Variants in CDC16 observed in about 807,000 individuals in gnomAD.
CDC16 encodes cell division cycle 16.
Under a neutral mutation model 87.0 loss-of-function variants are expected in CDC16, and 34 were observed. The ratio of observed to expected loss-of-function variants is 0.39; its 90% CI spans 0.30 to 0.52. The LOEUF is 0.52. Among genes scored for constraint, CDC16 ranks in the 20% least tolerant of loss-of-function variants. The pLI, the probability that CDC16 is intolerant of heterozygous loss-of-function variation, is 0.74. For synonymous variants in CDC16, 263 were observed against 260.6 expected (o/e 1.01, Z -0.09); for missense variants, 653 against 751.9 (o/e 0.87, Z 1.54).
chr13:114,243,666 T>C (rs2081681342), intron 7 of CDC16, among the ~76,000 whole-genome samples, 190 bp from the exon 8 acceptor site: 1 of 152,246 alleles, frequency 6.6e-6, no homozygotes, highest in South Asian at 2.1e-4. Context: ...TGTGGAATTC[T>C]GTTCTAAAAT....
At chr13:114,251,341 G>A (rs2082165094) in intron 12 of CDC16, among the ~76,000 whole-genome samples, 1 of 152,146 alleles carries the variant, frequency 6.6e-6, no homozygotes, top group Admixed American at 6.5e-5. Flanking sequence ...AGCCTCCTGA[G>A]AAATAGGAAT....
chr13:114,260,989 C>T (rs1055749219), intron 14 of CDC16, among the ~76,000 whole-genome samples: 20 of 152,040 alleles, frequency 1.3e-4, no homozygotes, highest in African/African-American at 4.6e-4. Context: ...AATGTAAGTA[C>T]GTAAATTGAC....
intron 11 of CDC16, among the ~76,000 whole-genome samples, chr13:114,250,266 G>T (rs1259599083): frequency 6.6e-6 from 1 of 152,190 alleles, no homozygotes; most frequent in Non-Finnish European, 1.5e-5. Flanking sequence ...GCCAAGGTGG[G>T]TGGAGCACCT....
intron 17 of CDC16, among the ~76,000 whole-genome samples, chr13:114,271,465 A>C (rs1168493416): frequency 6.6e-6 from 1 of 151,838 alleles, no homozygotes; most frequent in African/African-American, 2.4e-5. Context: ...GACTATACCC[A>C]ATGGGCACAG....
chr13:114,237,652 T>A (rs1255253878), intron 3 of CDC16, among the ~76,000 whole-genome samples: 15 of 152,178 alleles, frequency 9.9e-5, no homozygotes, highest in Non-Finnish European at 2.9e-5. Context: ...CACCTTCTTT[T>A]TCCCCCATCT....
chr13:114,256,748 A>C (rs1430044520), intron 12 of CDC16, among the ~76,000 whole-genome samples: 1 of 152,246 alleles, frequency 6.6e-6, no homozygotes, highest in Non-Finnish European at 1.5e-5. Context: ...GAGGAAGACC[A>C]GTGTCGGCTG....
chr13:114,272,476 G>T lies in CDC16; in HGVS notation c.*33G>T, dbSNP rs1450345865. 1.3e-6 allele frequency: 2 copies of T among 1,593,632 alleles called. No homozygotes were observed. Among genetic ancestry groups the T allele is most frequent in the Non-Finnish European group, 1.7e-6 (2 of 1,166,792 alleles). On this transcript the variant is annotated 3_prime_UTR_variant, in exon 18 of 18. Coordinates refer to ENST00000356221, the MANE Select transcript of CDC16 (RefSeq NM_001078645.3). Reference sequence around the variant, plus strand: ...CAGTGGTCCTGGTCCCACTGTCCCAGTGTAGGTTAGTATTCCTTCACATCC... The same window carrying T: ...CAGTGGTCCTGGTCCCACTGTCCCATTGTAGGTTAGTATTCCTTCACATCC...
At chr13:114,239,209 T>A in intron 4 of CDC16, 141 bp from the exon 5 acceptor site, 1 of 1,402,856 alleles carries the variant, frequency 7.1e-7, no homozygotes, top group Non-Finnish European at 9.7e-7. Context: ...TACCACATGC[T>A]GACATGCATG....
At position 114,262,925 on chromosome 13, in the gene CDC16, A is replaced by T. The variant is rs202210151; in HGVS notation, c.1423A>T (p.Ile475Phe). 1.2e-6 allele frequency: 2 copies of T among 1,614,122 alleles called. No individual in the cohort carries two copies. The highest frequency in any genetic ancestry group is 4.5e-5 in the East Asian group (2 of 44,880). The change falls in exon 16 of 18, where the codon ATT (isoleucine) becomes TTT (phenylalanine). Residue 475 changes from isoleucine (I) to phenylalanine (F), a missense_variant. Coordinates refer to ENST00000356221, the MANE Select transcript of CDC16 (RefSeq NM_001078645.3). ...TTACCACCGTCAGGCACTGGTGTTGATTCCTCAGAACGCATCCACCTACTC... is the reference window on the plus strand; with the variant it reads ...TTACCACCGTCAGGCACTGGTGTTGTTTCCTCAGAACGCATCCACCTACTC... ...LDYHRQALVLIPQNASTYSAI... is the reference protein window; with the variant it reads ...LDYHRQALVLFPQNASTYSAI...
chr13:114,235,383 G>C (rs1023745135), intron 1 of CDC16, among the ~76,000 whole-genome samples: 6 of 152,224 alleles, frequency 3.9e-5, no homozygotes, highest in African/African-American at 1.2e-4. Flanking sequence ...TCTGAGCCTC[G>C]TTCTGCACCT....
At chr13:114,264,680 C>T (rs1198806093) in intron 16 of CDC16, among the ~76,000 whole-genome samples, 3 of 152,006 alleles carry the variant, frequency 2.0e-5, no homozygotes, top group Non-Finnish European at 4.4e-5. Flanking sequence ...GGTACGATCT[C>T]GGCTCACTGC....
Position 114,269,453 on chromosome 13 carries a change from C to T in CDC16, c.1604-2731C>T, listed in dbSNP as rs895937894. Among the ~76,000 whole-genome samples, 8 of 152,184 alleles carry T rather than the reference C, an allele frequency of 5.3e-5. No individual in the cohort carries two copies. In the East Asian group the frequency reaches 7.7e-4, roughly 15 times the overall value. ...GGTATTAGGGTGATGATTGACCATA[C>T]TGATTTTGTGATGTAGCAGTTCTAC... is the stretch of plus-strand genomic sequence containing the variant. On this transcript the variant is annotated intron_variant, in intron 17 of 17. Transcript: ENST00000356221.
Position 114,261,944 on chromosome 13 carries a change from C to T in CDC16, c.1372C>T (p.Leu458Phe). Residue 458 changes from leucine to phenylalanine, a missense_variant, in exon 15 of 18, where the codon CTT becomes TTT. By Grantham distance (22) the Leu-to-Phe change is conservative. Coordinates refer to ENST00000356221, the MANE Select transcript of CDC16 (RefSeq NM_001078645.3). ...CAACTTGGGGCATGTCTGCAGAAAACTTAAGTAAGTGAAGTAGAGCATTTT... is the reference window on the plus strand; with the variant it reads ...CAACTTGGGGCATGTCTGCAGAAAATTTAAGTAAGTGAAGTAGAGCATTTT... The part of the protein sequence containing the change: ...LNNLGHVCRK[L>F]KKYAEALDYH... 1 of 1,593,264 alleles carries T rather than the reference C, an allele frequency of 6.3e-7. No homozygotes were observed. Among genetic ancestry groups the T allele is most frequent in the Non-Finnish European group, 8.6e-7 (1 of 1,167,678 alleles).
chr13:114,243,392 T>C (rs2081660535), intron 7 of CDC16, 44 bp downstream of exon 7: 2 of 926,320 alleles, frequency 2.2e-6, no homozygotes, highest in Middle Eastern at 2.2e-4. Flanking sequence ...TGTAAATATC[T>C]TATTCCATAA....
chr13:114,267,692 G>C (rs991849413), intron 17 of CDC16, among the ~76,000 whole-genome samples: 1 of 151,384 alleles, frequency 6.6e-6, no homozygotes, highest in Admixed American at 6.6e-5. Context: ...TCTAGATAGA[G>C]TAATCACTAA....
At chr13:114,252,294 C>T (rs2082240024) in intron 12 of CDC16, among the ~76,000 whole-genome samples, 1 of 152,202 alleles carries the variant, frequency 6.6e-6, no homozygotes, top group Non-Finnish European at 1.5e-5. Context: ...AAGAGCTTTA[C>T]ACTAGCCCTG....
chr13:114,250,505 A>G (rs1206622650), intron 11 of CDC16, 44 bp from the exon 12 acceptor site: 2 of 1,545,618 alleles, frequency 1.3e-6, no homozygotes, highest in Admixed American at 2.0e-5. Context: ...AAAAAAAAAA[A>G]AAGAATAAAT....
At chr13:114,250,505 AAAG>A (rs2082113833) in intron 11 of CDC16, 41 bp from the exon 12 acceptor site, 2 of 1,545,614 alleles carry the variant, frequency 1.3e-6, no homozygotes, top group Non-Finnish European at 8.7e-7. Flanking sequence ...AAAAAAAAAA[AAAG>A]AATAAATACT....
intron 5 of CDC16, among the ~76,000 whole-genome samples, chr13:114,240,011 TA>T (rs11322000): frequency 0.35 from 52,083 of 149,758 alleles, 10,113 homozygotes; most frequent in African/African-American, 0.54. Flanking sequence ...AATCTGGATT[TA>T]AAAAAAAAAA....
Sources: gnomAD v4.1 joint callset for allele counts (sites outside exome capture counted in the v4.1 genomes callset) on GRCh38, gnomAD v4.1.1 for gene constraint, MANE v1.5 for transcripts, NCBI Gene and HGNC (gene_info 2026-07-23, HGNC 2026-07-21) for gene names.